Variants in P4HB observed in about 807,000 individuals in gnomAD.
P4HB encodes protein disulfide-isomerase.
A neutral mutation model predicts 52.6 loss-of-function variants in P4HB; 20 were observed. The observed-to-expected ratio is 0.38, with a 90% CI of 0.27 to 0.55. The LOEUF (loss-of-function observed/expected upper bound fraction) is 0.55, where lower values mean the gene tolerates loss of function less well. P4HB is among the 20% of genes least tolerant of loss of function. The pLI, the probability that P4HB is intolerant of heterozygous loss-of-function variation, is 0.74. For missense variants in P4HB, 601 were observed against 669.2 expected (o/e 0.90, Z 1.12); for synonymous variants, 296 against 277.9 (o/e 1.07, Z -0.65).
At chr17:81,847,497 C>T (rs2038755832) in intron 4 of P4HB, 150 bp from the exon 5 acceptor site, 2 of 676,490 alleles carry the variant, frequency 3.0e-6, no homozygotes, top group Non-Finnish European at 5.5e-6. Flanking sequence ...GGGTACAGGA[C>T]ATGGCTGTTC....
Position 81,860,381 on chromosome 17 carries a change from T to G in P4HB, c.91A>C (p.Lys31Gln), listed in dbSNP as rs907388909. Reference protein sequence around the residue: ...EEEDHVLVLRKSNFAEALAAH... With the variant: ...EEEDHVLVLRQSNFAEALAAH... ...GCCAGCGCCTCCGCGAAGTTGCTTTTCCGCAGCACCAGGACGTGGTCCTCC... is the reference window on the plus strand; with the variant it reads ...GCCAGCGCCTCCGCGAAGTTGCTTTGCCGCAGCACCAGGACGTGGTCCTCC... Residue 31 changes from lysine to glutamine, a missense_variant, in exon 1 of 11, where the codon AAA (lysine) becomes CAA (glutamine). Lys to Gln is a moderately conservative substitution (Grantham distance 53). Coordinates refer to ENST00000331483, the MANE Select transcript of P4HB (RefSeq NM_000918.4). 1.5e-5 allele frequency: 22 copies of G among 1,473,728 alleles called. No individual in the cohort carries two copies. The highest frequency in any genetic ancestry group is 3.9e-5 in the South Asian group (3 of 76,224). The allele number at this position is 1,473,728 out of a possible 1,614,324, so 91.3% of individuals were successfully genotyped here. A position where few individuals can be genotyped will look rare whatever the true frequency, so the allele number is the denominator to read the frequency against.
At position 81,860,320 on chromosome 17, in the gene P4HB, C is replaced by T. The variant is rs1321633685; in HGVS notation, c.145+7G>A. 1 of 1,452,966 alleles carries T rather than the reference C, an allele frequency of 6.9e-7. No homozygotes were observed. The highest frequency in any genetic ancestry group is 9.1e-7 in the Non-Finnish European group (1 of 1,100,122). 90.0% of individuals were successfully genotyped at this position (1,452,966 alleles called of 1,614,324 possible). On this transcript the variant is annotated splice_region_variant and intron_variant, in intron 1 of 10. Transcript: ENST00000331483. ...AGCCCCGCCCGCCCGCCAGGCCCGG[C>T]GCTCACAGAACTCCACCAGCAGGTA...
chr17:81,847,239 G>A lies in P4HB; in HGVS notation c.729+4C>T, dbSNP rs199611676. The A allele has an allele frequency of 1.0e-4, 162 of 1,613,140 alleles. No homozygotes were observed. The highest frequency in any genetic ancestry group is 1.3e-4 in the South Asian group (12 of 91,068). ...CCAGCCTGGGGGCTGCAGGGCAGCC[G>A]CACCTGCTCGGTGAACTCGATGACA... On this transcript the variant is annotated splice_donor_region_variant and intron_variant, in intron 5 of 10. Transcript: ENST00000331483.
chr17:81,847,174 C>T (rs550989458), intron 5 of P4HB, 69 bp downstream of exon 5: 17 of 1,597,528 alleles, frequency 1.1e-5, no homozygotes, highest in South Asian at 4.4e-5. Flanking sequence ...CAGTGGTGAC[C>T]GGGAGCCTCA....
rs1378664064 is a variant in P4HB at position 81,844,054 on chromosome 17, C to T, written c.1485G>A (p.Met495Ile). The T allele has an allele frequency of 6.2e-7, 1 of 1,613,754 alleles. No individual in the cohort carries two copies. The highest frequency in any genetic ancestry group is 8.5e-7 in the Non-Finnish European group (1 of 1,179,764). ...CAGCTTTCTGATCATCGTCTTCCTCCATGTCTGGCTCCTCTGCTTCTTCCA... is the reference window on the plus strand; with the variant it reads ...CAGCTTTCTGATCATCGTCTTCCTCTATGTCTGGCTCCTCTGCTTCTTCCA... Reference protein sequence around the residue: ...EDLEEAEEPDMEEDDDQKAVK... With the variant: ...EDLEEAEEPDIEEDDDQKAVK... Residue 495 changes from methionine to isoleucine, a missense_variant, in exon 11 of 11, where the codon ATG becomes ATA. By Grantham distance (10) the Met-to-Ile change is conservative. Transcript: ENST00000331483.
intron 4 of P4HB, among the ~76,000 whole-genome samples, chr17:81,852,565 C>T (rs1306198627): frequency 2.0e-5 from 3 of 152,258 alleles, no homozygotes; most frequent in Admixed American, 6.5e-5. Context: ...GCAACGACCA[C>T]GTTCGCCATC....
In P4HB at chr17:81,860,509, C is replaced by T. The variant is rs2038983779; in HGVS notation, c.-38G>A. 4 of 1,239,884 alleles carry T rather than the reference C, an allele frequency of 3.2e-6. No homozygotes were observed. Among genetic ancestry groups the T allele is most frequent in the Non-Finnish European group, 4.0e-6 (4 of 989,928 alleles). 76.8% of individuals were successfully genotyped at this position (1,239,884 alleles called of 1,614,324 possible). On this transcript the variant is annotated 5_prime_UTR_variant, in exon 1 of 11. Transcript: ENST00000331483. ...TCAGGCGGGGCGCTTCGGTTGGCGC[C>T]GCCGGGACAGCGGGGGCGACGAGAG...
Position 81,855,747 on chromosome 17 carries a change from C to T in P4HB, c.353-161G>A, listed in dbSNP as rs377180166. 50 of 740,350 alleles carry T rather than the reference C, an allele frequency of 6.8e-5. No individual in the cohort carries two copies. Among genetic ancestry groups the T allele is most frequent in the East Asian group, 1.9e-4 (7 of 36,020 alleles). The allele number at this position is 740,350 out of a possible 1,614,324, so 45.9% of individuals were successfully genotyped here. ...TGGAAGAGGCCCGGTGCCGTCCGCCCGCCTCCTAAACCCCAGTGTACGTGA... is the reference window on the plus strand; with the variant it reads ...TGGAAGAGGCCCGGTGCCGTCCGCCTGCCTCCTAAACCCCAGTGTACGTGA... On this transcript the variant is annotated intron_variant, in intron 2 of 10. Transcript: ENST00000331483. The surrounding 1 kb of genome is among the most constrained non-coding windows in gnomAD (Gnocchi z 4.3).
Position 81,845,130 on chromosome 17 carries a change from G to C in P4HB, c.1446+14C>G. 6.3e-7 allele frequency: 1 copy of C among 1,599,990 alleles called. No individual in the cohort carries two copies. Among genetic ancestry groups the C allele is most frequent in the South Asian group, 1.1e-5 (1 of 90,268 alleles). On this transcript the variant is annotated intron_variant, in intron 10 of 10. Transcript: ENST00000331483. ...GAATCCCAGAGACCAGCCCAGGGCT[G>C]TGACCCCACTCACGTCATCATCCCC...
intron 4 of P4HB, among the ~76,000 whole-genome samples, chr17:81,854,596 CA>C (rs2038884170): frequency 6.6e-6 from 1 of 151,456 alleles, no homozygotes; most frequent in Non-Finnish European, 1.5e-5. Context: ...TCTGTAATCC[CA>C]GCACTTTGGG....
Position 81,845,594 on chromosome 17 carries a change from T to G in P4HB, c.1326A>C (p.Thr442=). 6.2e-7 allele frequency: 1 copy of G among 1,609,398 alleles called. No individual in the cohort carries two copies. The highest frequency in any genetic ancestry group is 8.5e-7 in the Non-Finnish European group (1 of 1,176,780). Residue 442 remains threonine (T), a synonymous_variant, in exon 9 of 11, where the codon ACA becomes ACC. Transcript: ENST00000331483. ...VEAVKVHSFP[T]LKFFPASADR... The stretch of plus-strand genomic sequence containing the variant: ...CGGCACTGGCAGGAAAGAACTTGAG[T>G]GTGGGGAAGCTGTGCACTTTGACGG...
At chr17:81,851,152 G>C (rs1414281335) in intron 4 of P4HB, among the ~76,000 whole-genome samples, 1 of 151,932 alleles carries the variant, frequency 6.6e-6, no homozygotes, top group African/African-American at 2.4e-5. Flanking sequence ...GGATGGTCTC[G>C]ATCTCCTGAC....
intron 9 of P4HB, 102 bp from the exon 10 acceptor site, chr17:81,845,332 G>A (rs986313294): frequency 1.4e-5 from 14 of 1,024,084 alleles, no homozygotes; most frequent in African/African-American, 3.2e-5. Context: ...GGCCCGGTCC[G>A]GTGGCTCACA....
At position 81,860,531 on chromosome 17, in the gene P4HB, A is replaced by G. The variant is rs1217588402; in HGVS notation, c.-60T>C. The G allele has an allele frequency of 1.1e-5, 14 of 1,226,720 alleles. No individual in the cohort carries two copies. The highest frequency in any genetic ancestry group is 1.2e-5 in the Non-Finnish European group (12 of 982,838). The allele number at this position is 1,226,720 out of a possible 1,614,324, so 76.0% of individuals were successfully genotyped here. On this transcript the variant is annotated 5_prime_UTR_variant, in exon 1 of 11. Transcript: ENST00000331483. ...CGCCGCCGGGACAGCGGGGGCGACG[A>G]GAGCGCGCGCCGGTCCCGGCCTCGC...
chr17:81,845,810 C>T (rs549230866), intron 8 of P4HB, 61 bp downstream of exon 8: 3 of 1,613,684 alleles, frequency 1.9e-6, no homozygotes, highest in Non-Finnish European at 1.7e-6. Context: ...CCCCAGGAGT[C>T]TGCCTACCTT....
At position 81,845,901 on chromosome 17, in the gene P4HB, C is replaced by G; in HGVS notation, c.1147G>C (p.Asp383His). The change falls in exon 8 of 11, where the codon GAT (aspartate) becomes CAT (histidine). Residue 383 changes from aspartate to histidine, a missense_variant. By Grantham distance (81) the Asp-to-His change is moderately conservative. Coordinates refer to ENST00000331483, the MANE Select transcript of P4HB (RefSeq NM_000918.4). ...TCCACAAAGACGTTTTTTTTCTCAT[C>G]AAAAGCCACGTCTTCAAAGTTCTTC... ...VGKNFEDVAF[D>H]EKKNVFVEFY... 1 of 1,613,780 alleles carries G rather than the reference C, an allele frequency of 6.2e-7. No homozygotes were observed. Among genetic ancestry groups the G allele is most frequent in the Non-Finnish European group, 8.5e-7 (1 of 1,179,926 alleles).
At chr17:81,859,446 C>G in intron 1 of P4HB, 59 bp from the exon 2 acceptor site, 1 of 1,410,500 alleles carries the variant, frequency 7.1e-7, no homozygotes, top group Non-Finnish European at 1.0e-6. Context: ...GCCTTGATCC[C>G]TCAGCAGTGC....
intron 4 of P4HB, among the ~76,000 whole-genome samples, chr17:81,848,787 G>A (rs1346504528): frequency 7.1e-6 from 1 of 141,624 alleles, no homozygotes; most frequent in Non-Finnish European, 1.5e-5. Context: ...GCTCACACCT[G>A]TAATCCTAGC....
intron 1 of P4HB, chr17:81,859,813 T>A (rs1357308425): frequency 1.3e-5 from 3 of 237,846 alleles, no homozygotes; most frequent in African/African-American, 4.5e-5. Context: ...ACACAGACCC[T>A]GAGTTGCTTA....
Sources: allele counts gnomAD v4.1 joint callset (sites outside exome capture counted in the v4.1 genomes callset), GRCh38; gene constraint gnomAD v4.1.1; non-coding constraint Gnocchi (gnomAD v3.1); transcripts MANE v1.5; gene names NCBI Gene and HGNC (gene_info 2026-07-23, HGNC 2026-07-21).